The following ZCCHC7 variants were observed in gnomAD, a reference collection of about 807,000 sequenced individuals.
The protein encoded by ZCCHC7 is zinc finger CCHC domain-containing protein 7.
ZCCHC7 carries 35 observed loss-of-function variants against 52.0 expected under a neutral mutation model. The ratio of observed to expected loss-of-function variants is 0.67; its 90% CI spans 0.51 to 0.89. ZCCHC7 has a LOEUF of 0.89. ZCCHC7 is among the 40% of genes least tolerant of loss of function. The pLI is 0.00. For missense variants in ZCCHC7, 574 were observed against 649.1 expected (o/e 0.88, Z 1.26); for synonymous variants, 217 against 221.5 (o/e 0.98, Z 0.18).
intron 2 of ZCCHC7, among the ~76,000 whole-genome samples, chr9:37,251,418 AT>A (rs1226683479): frequency 6.6e-6 from 1 of 152,168 alleles, no homozygotes; most frequent in African/African-American, 2.4e-5. Flanking sequence ...TACCTACTGA[AT>A]TAGTCAAAGC....
At chr9:37,227,957 A>T (rs924679810) in intron 2 of ZCCHC7, among the ~76,000 whole-genome samples, 1 of 152,008 alleles carries the variant, frequency 6.6e-6, no homozygotes, top group Non-Finnish European at 1.5e-5. Context: ...CACCACACCC[A>T]GCTAAATTTT....
At chr9:37,195,136 G>A (rs964452218) in intron 2 of ZCCHC7, among the ~76,000 whole-genome samples, 1 of 151,602 alleles carries the variant, frequency 6.6e-6, no homozygotes, top group South Asian at 2.1e-4. Flanking sequence ...CAGTGAAGAC[G>A]GGGTTTTACC....
At chr9:37,139,960 A>T (rs1345788070) in intron 2 of ZCCHC7, among the ~76,000 whole-genome samples, 1 of 151,970 alleles carries the variant, frequency 6.6e-6, no homozygotes, top group African/African-American at 2.4e-5. Context: ...AAGATAGGAA[A>T]TAGACTGGTT....
intron 2 of ZCCHC7, among the ~76,000 whole-genome samples, chr9:37,184,392 CAAAAAA>C (rs34335465): frequency 8.2e-6 from 1 of 121,314 alleles, no homozygotes; most frequent in Non-Finnish European, 1.8e-5. Context: ...TGGCTTGCAT[CAAAAAA>C]AAAAAAAAAA....
At chr9:37,250,763 A>G (rs1383823897) in intron 2 of ZCCHC7, among the ~76,000 whole-genome samples, 1 of 152,160 alleles carries the variant, frequency 6.6e-6, no homozygotes, top group Non-Finnish European at 1.5e-5. Flanking sequence ...GTATATTATG[A>G]GGTTGCATTA....
intron 2 of ZCCHC7, among the ~76,000 whole-genome samples, chr9:37,218,638 GTC>G (rs1206244127): frequency 2.0e-5 from 3 of 152,068 alleles, no homozygotes; most frequent in Non-Finnish European, 4.4e-5. Context: ...GTGAAACCCT[GTC>G]TCTACTAAAA....
At chr9:37,241,399 A>T (rs1825868307) in intron 2 of ZCCHC7, among the ~76,000 whole-genome samples, 1 of 151,896 alleles carries the variant, frequency 6.6e-6, no homozygotes, top group South Asian at 2.1e-4. Flanking sequence ...TTATAATGCC[A>T]TAGCAAAGCA....
At chr9:37,321,689 CCA>C (rs1805698400) in intron 5 of ZCCHC7, among the ~76,000 whole-genome samples, 1 of 152,054 alleles carries the variant, frequency 6.6e-6, no homozygotes, top group South Asian at 2.1e-4. Flanking sequence ...CTGCTTGAGC[CCA>C]GGAGATCAGG....
At chr9:37,220,830 T>C (rs561944586) in intron 2 of ZCCHC7, among the ~76,000 whole-genome samples, 1 of 152,310 alleles carries the variant, frequency 6.6e-6, no homozygotes, top group Admixed American at 6.5e-5. Context: ...AAGTCTGATT[T>C]GTTCAAAATT....
intron 2 of ZCCHC7, among the ~76,000 whole-genome samples, chr9:37,247,367 A>G (rs1168145509): frequency 6.6e-6 from 1 of 152,196 alleles, no homozygotes; most frequent in Non-Finnish European, 1.5e-5. Context: ...CTGGGTAGAG[A>G]GAGAAATGAG....
At chr9:37,198,486 TC>T (rs1823404554) in intron 2 of ZCCHC7, among the ~76,000 whole-genome samples, 1 of 152,200 alleles carries the variant, frequency 6.6e-6, no homozygotes, top group Non-Finnish European at 1.5e-5. Context: ...TGTTATCCCT[TC>T]CTCTGAGCCT....
Position 37,203,999 on chromosome 9 carries a change from T to A in ZCCHC7, c.610+77057T>A, listed in dbSNP as rs148607034. Reference sequence around the variant, plus strand: ...TTCTTGACTTTTTAATAATCGCCATTCTGACTGGCATGAGATGGTACCTCA... The same window carrying A: ...TTCTTGACTTTTTAATAATCGCCATACTGACTGGCATGAGATGGTACCTCA... On this transcript the variant is annotated intron_variant, in intron 2 of 8. Coordinates refer to ENST00000336755, the MANE Select transcript of ZCCHC7 (RefSeq NM_032226.3). Among the ~76,000 whole-genome samples the A allele has an allele frequency of 6.2e-3, 942 of 152,328 alleles. 4 individuals are homozygous for A. The highest frequency in any genetic ancestry group is 0.021 in the African/African-American group (882 of 41,582).
At chr9:37,281,203 A>C (rs777115756) in intron 2 of ZCCHC7, among the ~76,000 whole-genome samples, 4 of 152,294 alleles carry the variant, frequency 2.6e-5, no homozygotes, top group Admixed American at 2.6e-4. Flanking sequence ...ATTTGTAGAG[A>C]CAGTGTCTCC....
At chr9:37,305,857 G>A in intron 5 of ZCCHC7, 143 bp downstream of exon 5, 2 of 782,156 alleles carry the variant, frequency 2.6e-6, no homozygotes, top group Non-Finnish European at 3.8e-6. Context: ...ATATAGTCAT[G>A]TCCATTTTGT....
At chr9:37,268,490 G>A (rs1371253577) in intron 2 of ZCCHC7, among the ~76,000 whole-genome samples, 27 of 151,126 alleles carry the variant, frequency 1.8e-4, no homozygotes, top group African/African-American at 6.1e-4. Flanking sequence ...GCAGTGGCGC[G>A]ATCTGGGCTC....
intron 5 of ZCCHC7, among the ~76,000 whole-genome samples, chr9:37,311,635 C>T (rs1057266216): frequency 6.6e-6 from 1 of 152,152 alleles, no homozygotes; most frequent in African/African-American, 2.4e-5. Context: ...ATGTCGAACT[C>T]CTGACCTCAG....
intron 2 of ZCCHC7, among the ~76,000 whole-genome samples, chr9:37,243,719 C>T (rs1388920473): frequency 1.3e-5 from 2 of 151,786 alleles, no homozygotes; most frequent in Admixed American, 6.6e-5. Context: ...TTGAATACAA[C>T]AACAAAAAAT....
intron 2 of ZCCHC7, among the ~76,000 whole-genome samples, chr9:37,263,304 T>C (rs1291177121): frequency 6.6e-6 from 1 of 152,082 alleles, no homozygotes; most frequent in East Asian, 1.9e-4. Flanking sequence ...TTTCCTATTA[T>C]ATACCTTATA....
chr9:37,257,376 A>T (rs1826641947), intron 2 of ZCCHC7, among the ~76,000 whole-genome samples: 1 of 152,176 alleles, frequency 6.6e-6, no homozygotes, highest in South Asian at 2.1e-4. Flanking sequence ...CAGTAGAACA[A>T]TCCTTCCTAT....
Sources: gnomAD v4.1 joint callset for allele counts (sites outside exome capture counted in the v4.1 genomes callset) on GRCh38, gnomAD v4.1.1 for gene constraint, MANE v1.5 for transcripts, NCBI Gene and HGNC (gene_info 2026-07-23, HGNC 2026-07-21) for gene names.